ENAH: variants seen among roughly 807,000 people sequenced by gnomAD.
ENAH encodes protein enabled homolog.
In ENAH, 23 loss-of-function variants were observed where a neutral mutation model predicts 78.7. The observed-to-expected ratio is 0.29, with a 90% CI of 0.21 to 0.41. The LOEUF is 0.41. ENAH is among the 10% of genes least tolerant of loss of function. The pLI is 1.00. For synonymous variants in ENAH, 226 were observed against 241.0 expected, an observed-to-expected ratio of 0.94 and a Z score of 0.58; for missense variants, 544 against 691.0, an observed-to-expected ratio of 0.79 and a Z score of 2.39.
At chr1:225,645,291 G>C (rs1483326393) in intron 1 of ENAH, among the ~76,000 whole-genome samples, 2 of 152,166 alleles carry the variant, frequency 1.3e-5, no homozygotes, top group African/African-American at 4.8e-5. Context: ...TGGAATCATG[G>C]CATATATCGC....
At chr1:225,581,660 C>A (rs1209758543) in intron 1 of ENAH, among the ~76,000 whole-genome samples, 3 of 152,012 alleles carry the variant, frequency 2.0e-5, no homozygotes, top group African/African-American at 7.3e-5. Context: ...AAATGACCCT[C>A]CCATAGATAA....
At chr1:225,517,421 G>C in intron 5 of ENAH, 115 bp from the exon 6 acceptor site, 1 of 1,551,844 alleles carries the variant, frequency 6.4e-7, no homozygotes, top group South Asian at 1.2e-5. Context: ...AGGGAAGGCA[G>C]TGGAGGCGGC....
chr1:225,530,598 T>C lies in ENAH; in HGVS notation c.390A>G (p.Gln130=). The C allele has an allele frequency of 6.2e-7, 1 of 1,613,672 alleles. No homozygotes were observed. Among genetic ancestry groups the C allele is most frequent in the Non-Finnish European group, 8.5e-7 (1 of 1,179,664 alleles). The part of the protein sequence containing the change: ...LPRQNSQLPA[Q]VQNGPSQEEL... ...CTTCTTGGGATGGGCCATTTTGAAC[T>C]TGAGCAGGTAGTTGTGAGTTTTGTC... is the stretch of plus-strand genomic sequence containing the variant. The change falls in exon 4 of 14, where the codon CAA becomes CAG. Residue 130 remains glutamine, a synonymous_variant. Coordinates refer to ENST00000366843, the MANE Select transcript of ENAH (RefSeq NM_018212.6).
chr1:225,640,635 C>G (rs1558950474), intron 1 of ENAH, among the ~76,000 whole-genome samples: 1 of 152,176 alleles, frequency 6.6e-6, no homozygotes, highest in Non-Finnish European at 1.5e-5. Flanking sequence ...CCACTCTCTA[C>G]TAACTGGGTG....
intron 1 of ENAH, among the ~76,000 whole-genome samples, chr1:225,641,522 C>T (rs1661062999): frequency 6.8e-6 from 1 of 146,606 alleles, no homozygotes; most frequent in Non-Finnish European, 1.5e-5. Context: ...TGAGTTGCCG[C>T]ACACTTCACT....
At chr1:225,501,558 G>A (rs1267455116) in intron 11 of ENAH, among the ~76,000 whole-genome samples, 1 of 152,168 alleles carries the variant, frequency 6.6e-6, no homozygotes, top group Non-Finnish European at 1.5e-5. Context: ...TGATGCCTTG[G>A]ATTGCAGGAA....
At chr1:225,550,821 A>C (rs1310206038) in intron 3 of ENAH, among the ~76,000 whole-genome samples, 3 of 152,184 alleles carry the variant, frequency 2.0e-5, no homozygotes, top group Non-Finnish European at 4.4e-5. Context: ...TTGAAAAGGC[A>C]TGCTTCATCT....
intron 2 of ENAH, among the ~76,000 whole-genome samples, chr1:225,561,978 T>C (rs1020864658): frequency 2.0e-5 from 3 of 152,152 alleles, no homozygotes; most frequent in South Asian, 2.1e-4. Context: ...TTTACACTTA[T>C]CACAACTGAA....
At chr1:225,590,047 A>T (rs2096867497) in intron 1 of ENAH, among the ~76,000 whole-genome samples, 1 of 150,644 alleles carries the variant, frequency 6.6e-6, no homozygotes. Context: ...AATTTGGTAG[A>T]TGCTGTGGTG....
At chr1:225,554,054 C>T (rs2096654465) in intron 3 of ENAH, among the ~76,000 whole-genome samples, 1 of 152,150 alleles carries the variant, frequency 6.6e-6, no homozygotes, top group Non-Finnish European at 1.5e-5. Context: ...TGATATTCTA[C>T]ACTTTCAACA....
chr1:225,616,100 T>C (rs1009266763), intron 1 of ENAH, among the ~76,000 whole-genome samples: 1 of 152,180 alleles, frequency 6.6e-6, no homozygotes, highest in Non-Finnish European at 1.5e-5. Context: ...CGGAGCAAGA[T>C]GTGCTTTGTT....
chr1:225,589,507 G>A (rs56169721), intron 1 of ENAH, among the ~76,000 whole-genome samples: 1 of 152,012 alleles, frequency 6.6e-6, no homozygotes, highest in East Asian at 1.9e-4. Flanking sequence ...TAATACTCAA[G>A]TCCCTTACAT....
intron 11 of ENAH, among the ~76,000 whole-genome samples, chr1:225,502,203 TTTG>T (rs1011011901): frequency 3.3e-5 from 5 of 152,250 alleles, no homozygotes; most frequent in South Asian, 4.2e-4. Context: ...TAATCTGCTT[TTTG>T]TTGTTGTTGT....
chr1:225,636,768 G>A (rs572223870), intron 1 of ENAH, among the ~76,000 whole-genome samples: 1 of 152,286 alleles, frequency 6.6e-6, no homozygotes, highest in Admixed American at 6.5e-5. Context: ...GTTATTAATA[G>A]TGTCTCATTG....
rs1250740695 is a variant in ENAH at position 225,493,858 on chromosome 1, A to AT, written c.*3916dup. On this transcript the variant is annotated 3_prime_UTR_variant, in exon 14 of 14. Coordinates refer to ENST00000366843, the MANE Select transcript of ENAH (RefSeq NM_018212.6). ...TTTGCACACTGTGCTTCATAGGGTA[A>AT]TACTACTTAGAATTAAAAGGCCAAT... The AT allele has an allele frequency of 6.6e-6, 1 of 152,174 alleles. No homozygotes were observed. Among genetic ancestry groups the AT allele is most frequent in the Non-Finnish European group, 1.5e-5 (1 of 68,012 alleles). The allele number at this position is 152,174 out of a possible 1,614,324, so 9.4% of individuals were successfully genotyped here. A position where few individuals can be genotyped will look rare whatever the true frequency, so the allele number is the denominator to read the frequency against.
intron 1 of ENAH, among the ~76,000 whole-genome samples, chr1:225,609,278 A>G (rs2148103298): frequency 6.6e-6 from 1 of 152,310 alleles, no homozygotes; most frequent in South Asian, 2.1e-4. Flanking sequence ...GTAAGTGATG[A>G]ATGCATGGAA....
chr1:225,573,392 T>C (rs1409171081), intron 1 of ENAH, among the ~76,000 whole-genome samples: 2 of 152,144 alleles, frequency 1.3e-5, no homozygotes, highest in African/African-American at 2.4e-5. Context: ...AACTAATTGC[T>C]CCTTCCTCCG....
rs59508510 is a variant in ENAH, at chr1:225,609,656, ATTTTTTTTT to A, written c.6-42251_6-42243del. ...ATTCTAGCAGGAAAGGGAAAAATGG[ATTTTTTTTT>A]TTTTTTTTTTTTTTTTTTTGAGATG... On this transcript the variant is annotated intron_variant, in intron 1 of 13. Transcript: ENST00000366843. Among the ~76,000 whole-genome samples the A allele has an allele frequency of 2.0e-4, 15 of 76,506 alleles. No homozygotes were observed. The South Asian group carries it at 3.0e-3, about 15-fold the overall frequency. 50.2% of individuals were successfully genotyped at this position (76,506 alleles called of 152,430 possible). A position where few individuals can be genotyped will look rare whatever the true frequency, so the allele number is the denominator to read the frequency against.
At chr1:225,526,155 AC>A (rs1313638736) in intron 4 of ENAH, among the ~76,000 whole-genome samples, 1 of 151,848 alleles carries the variant, frequency 6.6e-6, no homozygotes. Flanking sequence ...CAATTTCTTC[AC>A]GTTTTTGTTC....
Sources: allele counts gnomAD v4.1 joint callset (sites outside exome capture counted in the v4.1 genomes callset), GRCh38; gene constraint gnomAD v4.1.1; transcripts MANE v1.5; gene names NCBI Gene and HGNC (gene_info 2026-07-23, HGNC 2026-07-21).